CSMD2: variants seen among roughly 807,000 people sequenced by gnomAD.
CSMD2 encodes the protein CUB and Sushi multiple domains 2, also known as CUB and sushi domain-containing protein 2.
CSMD2 carries 130 observed loss-of-function variants against 398.5 expected under a neutral mutation model. The ratio of observed to expected loss-of-function variants is 0.33; its 90% CI spans 0.28 to 0.38. The LOEUF is 0.38. CSMD2 is among the 10% of genes least tolerant of loss of function. The probability of loss-of-function intolerance (pLI) is 1.00; values close to 1 mark genes in which losing one functional copy is unlikely to be tolerated. For synonymous variants in CSMD2, 1,828 were observed against 1,908.5 expected (o/e 0.96, Z 1.10); for missense variants, 3,829 against 4,764.9 (o/e 0.80, Z 5.78).
chr1:33,629,253 A>G (rs141403572), intron 32 of CSMD2, among the ~76,000 whole-genome samples: 3 of 152,322 alleles, frequency 2.0e-5, no homozygotes, highest in Non-Finnish European at 4.4e-5. Flanking sequence ...CATTAATATA[A>G]AAGTCCAAAT....
At chr1:34,026,940 G>A (rs1649730009) in intron 3 of CSMD2, among the ~76,000 whole-genome samples, 1 of 152,064 alleles carries the variant, frequency 6.6e-6, no homozygotes, top group Non-Finnish European at 1.5e-5. Context: ...GGTTCCAGGA[G>A]GATTTAAAAA....
At chr1:33,738,908 C>A (rs1362089926) in intron 15 of CSMD2, among the ~76,000 whole-genome samples, 1 of 152,198 alleles carries the variant, frequency 6.6e-6, no homozygotes, top group South Asian at 2.1e-4. Flanking sequence ...TGATGCCTGA[C>A]AATCCAGAGC....
At chr1:34,063,389 C>T (rs1391660621) in intron 2 of CSMD2, among the ~76,000 whole-genome samples, 2 of 152,176 alleles carry the variant, frequency 1.3e-5, no homozygotes, top group Non-Finnish European at 2.9e-5. Context: ...CTAGTTATTT[C>T]CTAGCTACAT....
chr1:34,122,396 G>A lies in CSMD2; in HGVS notation c.188-33203C>T, dbSNP rs934102062. 7.2e-5 allele frequency among the ~76,000 whole-genome samples: 11 copies of A among 152,176 alleles called. No individual in the cohort carries two copies. The East Asian group carries it at 1.2e-3, about 16-fold the overall frequency. On this transcript the variant is annotated intron_variant, in intron 1 of 70. Coordinates refer to ENST00000373381, the MANE Select transcript of CSMD2 (RefSeq NM_001281956.2). ...CCGGGATCTGCAGGGGACAAAATGG[G>A]ATGGGCTGCGTCCAAGAGTAGCCTC...
intron 25 of CSMD2, among the ~76,000 whole-genome samples, chr1:33,688,674 G>A (rs930136003): frequency 6.6e-6 from 1 of 152,054 alleles, no homozygotes; most frequent in Non-Finnish European, 1.5e-5. Flanking sequence ...AAATTAGCCA[G>A]GCGTGATGGC....
intron 1 of CSMD2, among the ~76,000 whole-genome samples, chr1:34,159,080 TTGTCTCATCAGCTCTGAC>T (rs1366418495): frequency 1.3e-5 from 2 of 152,164 alleles, no homozygotes; most frequent in South Asian, 2.1e-4. Flanking sequence ...CTGCCTCTGA[TTGTCTCATCAGCTCTGAC>T]TGTCTCATCA....
chr1:33,604,300 T>C (rs1392998664), intron 42 of CSMD2, among the ~76,000 whole-genome samples: 4 of 152,226 alleles, frequency 2.6e-5, no homozygotes, highest in Non-Finnish European at 4.4e-5. Context: ...TCTGAAAATC[T>C]GAAAAACTAA....
intron 25 of CSMD2, among the ~76,000 whole-genome samples, chr1:33,677,257 T>C (rs572453966): frequency 2.6e-5 from 4 of 152,118 alleles, no homozygotes; most frequent in African/African-American, 9.6e-5. Flanking sequence ...CTCAAACAAA[T>C]TTACAAGAAA....
At chr1:34,120,389 T>C (rs1662054119) in intron 1 of CSMD2, among the ~76,000 whole-genome samples, 1 of 152,196 alleles carries the variant, frequency 6.6e-6, no homozygotes, top group African/African-American at 2.4e-5. Context: ...AAGGCACATA[T>C]AGTTAACACT....
chr1:33,704,929 ATTT>A (rs61275822), intron 22 of CSMD2, among the ~76,000 whole-genome samples: 1 of 140,522 alleles, frequency 7.1e-6, no homozygotes. Flanking sequence ...CGTCCCGCTA[ATTT>A]TTTTTTTTTT....
chr1:33,960,939 T>C (rs1418777284), intron 3 of CSMD2, among the ~76,000 whole-genome samples: 1 of 152,186 alleles, frequency 6.6e-6, no homozygotes, highest in Non-Finnish European at 1.5e-5. Context: ...ACATCTCCCA[T>C]CCTTTTCCTG....
At position 33,519,642 on chromosome 1, in the gene CSMD2, C is replaced by T. The variant is rs1358133251; in HGVS notation, c.10772G>A (p.Gly3591Asp). Residue 3591 changes from glycine to aspartate, a missense_variant, in exon 70 of 71, where the codon GGC (glycine) becomes GAC (aspartate). Gly to Asp is a moderately conservative substitution (Grantham distance 94, BLOSUM62 -1). This residue lies in a region of CSMD2 where 917 missense variants were observed against 1,199.5 expected (regional missense o/e 0.76). Transcript: ENST00000373381. The surrounding 1 kb of genome is among the most constrained non-coding windows in gnomAD (Gnocchi z 5.6). ...GGCCCGAACATTGGTGTTCTCGTGG[C>T]CAGCATAGCCATTGAAAGGAACTTT... ...RPKVPFNGYA[G>D]HENTNVRATF... The T allele has an allele frequency of 3.7e-6, 6 of 1,613,878 alleles. No homozygotes were observed. Among genetic ancestry groups the T allele is most frequent in the Non-Finnish European group, 5.1e-6 (6 of 1,180,012 alleles).
intron 5 of CSMD2, among the ~76,000 whole-genome samples, chr1:33,858,663 G>A (rs1639269560): frequency 6.6e-6 from 1 of 152,224 alleles, no homozygotes. Context: ...GACTGCTTAT[G>A]GCCTGGCCTC....
chr1:33,614,352 T>C (rs757792622), intron 40 of CSMD2, 152 bp downstream of exon 40: 203 of 628,458 alleles, frequency 3.2e-4, no homozygotes, highest in Non-Finnish European at 4.7e-4. Flanking sequence ...GTCTTCACAA[T>C]TGTACAAGAG....
At chr1:33,627,235 A>G (rs940446889) in intron 32 of CSMD2, among the ~76,000 whole-genome samples, 2 of 152,158 alleles carry the variant, frequency 1.3e-5, no homozygotes, top group African/African-American at 4.8e-5. Context: ...AACTGGGGGG[A>G]ACCTGCATGG....
chr1:34,041,537 T>C (rs1460930898), intron 2 of CSMD2, among the ~76,000 whole-genome samples: 1 of 152,162 alleles, frequency 6.6e-6, no homozygotes, highest in Non-Finnish European at 1.5e-5. Flanking sequence ...ACTCCAGGAG[T>C]TTGTGCCCAT....
At chr1:33,947,790 T>C (rs1208437443) in intron 3 of CSMD2, among the ~76,000 whole-genome samples, 1 of 152,230 alleles carries the variant, frequency 6.6e-6, no homozygotes, top group African/African-American at 2.4e-5. Context: ...ATAAGCACCA[T>C]CGCTTACGGA....
At chr1:34,039,087 C>G (rs1279632244) in intron 2 of CSMD2, among the ~76,000 whole-genome samples, 1 of 152,156 alleles carries the variant, frequency 6.6e-6, no homozygotes, top group Non-Finnish European at 1.5e-5. Flanking sequence ...TTCCTGACAT[C>G]CCAGACCAGC....
Position 33,519,175 on chromosome 1 carries a change from C to G in CSMD2, c.*53+290G>C, listed in dbSNP as rs569571996. On this transcript the variant is annotated intron_variant, in intron 70 of 70. Coordinates refer to ENST00000373381, the MANE Select transcript of CSMD2 (RefSeq NM_001281956.2). The surrounding 1 kb of genome is among the most constrained non-coding windows in gnomAD (Gnocchi z 5.6). ...CCTGGGATTGGATTTCGACCCCACCCCTTCTGAGCTGTGTGACCTTGCTCA... is the reference window on the plus strand; with the variant it reads ...CCTGGGATTGGATTTCGACCCCACCGCTTCTGAGCTGTGTGACCTTGCTCA... Among the ~76,000 whole-genome samples, 6 of 152,304 alleles carry G rather than the reference C, an allele frequency of 3.9e-5. No individual in the cohort carries two copies. In the East Asian group the frequency reaches 1.2e-3, roughly 29 times the overall value.
Sources: gnomAD v4.1 joint callset for allele counts (sites outside exome capture counted in the v4.1 genomes callset) on GRCh38, gnomAD v4.1.1 for gene constraint, gnomAD v4.1.1 regional missense constraint, Gnocchi (gnomAD v3.1) non-coding constraint, MANE v1.5 for transcripts, NCBI Gene and HGNC (gene_info 2026-07-23, HGNC 2026-07-21) for gene names.